Variants in ARHGAP21 observed in about 807,000 individuals in gnomAD.
ARHGAP21 encodes the protein rho GTPase-activating protein 21.
A neutral mutation model predicts 164.6 loss-of-function variants in ARHGAP21; 38 were observed. The observed-to-expected ratio is 0.23, with a 90% CI of 0.18 to 0.30. The LOEUF is 0.30. Among genes scored for constraint, ARHGAP21 ranks in the 10% least tolerant of loss-of-function variants. ARHGAP21 has a pLI of 1.00. For missense variants in ARHGAP21, 1,822 were observed against 2,370.7 expected, an observed-to-expected ratio of 0.77 and a Z score of 4.81; for synonymous variants, 766 against 857.9, an observed-to-expected ratio of 0.89 and a Z score of 1.87.
rs141288848 is a variant in ARHGAP21 at position 24,695,962 on chromosome 10, T to C, written c.64-25565A>G. Among the ~76,000 whole-genome samples, 233 of 152,324 alleles carry C rather than the reference T, an allele frequency of 1.5e-3. 5 individuals are homozygous for C. The East Asian group carries it at 0.038, about 25-fold the overall frequency. On this transcript the variant is annotated intron_variant, in intron 2 of 25. Coordinates refer to ENST00000396432, the MANE Select transcript of ARHGAP21 (RefSeq NM_020824.4). ...AGGACCCAGGTAAGCCAGACCTGGA[T>C]TCCTGACTCCCAGAGAAACTGAGAT...
intron 21 of ARHGAP21, 54 bp downstream of exon 21, chr10:24,594,896 T>G: frequency 1.4e-6 from 2 of 1,402,794 alleles, no homozygotes; most frequent in East Asian, 4.6e-5. Context: ...ATGAAGCATA[T>G]CTTTTAAACT....
chr10:24,672,494 A>G (rs1410506735), intron 2 of ARHGAP21, among the ~76,000 whole-genome samples: 1 of 152,132 alleles, frequency 6.6e-6, no homozygotes, highest in East Asian at 1.9e-4. Context: ...TACATTAAAC[A>G]CCGTCTAATA....
At chr10:24,639,354 GGAT>G (rs1245630393) in intron 4 of ARHGAP21, among the ~76,000 whole-genome samples, 1 of 151,918 alleles carries the variant, frequency 6.6e-6, no homozygotes, top group Non-Finnish European at 1.5e-5. Flanking sequence ...TGAAAAATGG[GGAT>G]GATAATAATT....
At chr10:24,683,543 G>A (rs1253553088) in intron 2 of ARHGAP21, among the ~76,000 whole-genome samples, 1 of 151,858 alleles carries the variant, frequency 6.6e-6, no homozygotes, top group Non-Finnish European at 1.5e-5. Context: ...CCAGGCTGGA[G>A]TGCAGTGGCA....
intron 2 of ARHGAP21, among the ~76,000 whole-genome samples, chr10:24,699,569 C>T (rs1843464875): frequency 6.6e-6 from 1 of 152,178 alleles, no homozygotes; most frequent in Admixed American, 6.5e-5. Flanking sequence ...AGGTGATCGG[C>T]TCACCTCGGC....
Position 24,596,730 on chromosome 10 carries a change from T to G in ARHGAP21, c.3477+10A>C. The G allele has an allele frequency of 6.2e-7, 1 of 1,613,570 alleles. No homozygotes were observed. Among genetic ancestry groups the G allele is most frequent in the Non-Finnish European group, 8.5e-7 (1 of 1,179,862 alleles). The stretch of plus-strand genomic sequence containing the variant: ...GACTTGAGGAAATCCGGTGGGCTGG[T>G]GTCTCCTACCCGATTAGTATGAGCT... On this transcript the variant is annotated intron_variant, in intron 17 of 25. Coordinates refer to ENST00000396432, the MANE Select transcript of ARHGAP21 (RefSeq NM_020824.4).
At chr10:24,593,040 T>C (rs1442744226) in intron 21 of ARHGAP21, among the ~76,000 whole-genome samples, 1 of 152,194 alleles carries the variant, frequency 6.6e-6, no homozygotes, top group African/African-American at 2.4e-5. Flanking sequence ...TTGAATTCAG[T>C]ATTTGATTAA....
At chr10:24,603,034 T>A (rs2076878703) in intron 12 of ARHGAP21, among the ~76,000 whole-genome samples, 1 of 152,124 alleles carries the variant, frequency 6.6e-6, no homozygotes, top group Non-Finnish European at 1.5e-5. Context: ...TGATTAAACA[T>A]CCAAGTGACG....
At chr10:24,621,695 T>C (rs1834556995) in intron 8 of ARHGAP21, among the ~76,000 whole-genome samples, 1 of 152,254 alleles carries the variant, frequency 6.6e-6, no homozygotes, top group African/African-American at 2.4e-5. Flanking sequence ...CTTCTGAGTT[T>C]CAGCAGTTGA....
At chr10:24,711,093 CAAAAAAAAAAAA>C (rs11304785) in intron 2 of ARHGAP21, among the ~76,000 whole-genome samples, 2 of 43,566 alleles carry the variant, frequency 4.6e-5, no homozygotes, top group African/African-American at 9.9e-5. Flanking sequence ...GACTCCATCT[CAAAAAAAAAAAA>C]AAAAAAAAAA....
intron 25 of ARHGAP21, among the ~76,000 whole-genome samples, chr10:24,587,865 G>GA (rs1240615099): frequency 3.8e-4 from 58 of 152,310 alleles, no homozygotes; most frequent in Admixed American, 2.3e-3. Flanking sequence ...GTTAGAAGTA[G>GA]TTAATCATGT....
intron 1 of ARHGAP21, chr10:24,722,736 G>A (rs974910150): frequency 6.6e-6 from 1 of 151,950 alleles, no homozygotes; most frequent in Non-Finnish European, 1.5e-5. Flanking sequence ...TGGGCTCGGC[G>A]GCGTCTCCGG....
chr10:24,678,130 A>G (rs1841447148), intron 2 of ARHGAP21, among the ~76,000 whole-genome samples: 1 of 152,096 alleles, frequency 6.6e-6, no homozygotes, highest in Non-Finnish European at 1.5e-5. Context: ...AGAGAGAGGA[A>G]AAGAAAGATA....
chr10:24,601,338 A>C (rs2076804977), intron 13 of ARHGAP21, among the ~76,000 whole-genome samples: 1 of 152,240 alleles, frequency 6.6e-6, no homozygotes, highest in South Asian at 2.1e-4. Context: ...ACAATTGTAT[A>C]CATAACTAAT....
chr10:24,702,218 T>C (rs1009980972), intron 2 of ARHGAP21, among the ~76,000 whole-genome samples: 2 of 137,746 alleles, frequency 1.5e-5, no homozygotes, highest in African/African-American at 2.7e-5. Context: ...GCAAGTTCCA[T>C]TTCCCGGGTT....
chr10:24,631,272 G>C (rs1835830402), intron 6 of ARHGAP21, among the ~76,000 whole-genome samples: 1 of 152,200 alleles, frequency 6.6e-6, no homozygotes, highest in South Asian at 2.1e-4. Context: ...GCTGAGGCAG[G>C]AGAATTGCTT....
At chr10:24,603,376 T>C (rs1182753575) in intron 12 of ARHGAP21, among the ~76,000 whole-genome samples, 1 of 152,188 alleles carries the variant, frequency 6.6e-6, no homozygotes, top group Non-Finnish European at 1.5e-5. Flanking sequence ...TTTTGGAACC[T>C]GAATGTCAGT....
rs2077087768 is a variant in ARHGAP21, at chr10:24,607,706, G to A, written c.2581+39C>T. The A allele has an allele frequency of 2.5e-6, 4 of 1,611,706 alleles. No homozygotes were observed. In the Middle Eastern group the frequency reaches 5.0e-4, roughly 200 times the overall value. On this transcript the variant is annotated intron_variant, in intron 10 of 25. Transcript: ENST00000396432. ...CATACTATTCTAAGTGGAAAACAGAGCATGAGATACGGTTTACAAAACCAC... is the reference window on the plus strand; with the variant it reads ...CATACTATTCTAAGTGGAAAACAGAACATGAGATACGGTTTACAAAACCAC...
intron 7 of ARHGAP21, among the ~76,000 whole-genome samples, chr10:24,628,782 T>TATAC (rs1554977300): frequency 1.5e-5 from 2 of 136,580 alleles, no homozygotes; most frequent in African/African-American, 2.7e-5. Flanking sequence ...CATATATATA[T>TATAC]ACACACATAT....
Sources: gnomAD v4.1 joint callset for allele counts (sites outside exome capture counted in the v4.1 genomes callset) on GRCh38, gnomAD v4.1.1 for gene constraint, MANE v1.5 for transcripts, NCBI Gene and HGNC (gene_info 2026-07-23, HGNC 2026-07-21) for gene names.